ANKRD28: variants seen among roughly 807,000 people sequenced by gnomAD.
ANKRD28 encodes the protein ankyrin repeat domain 28, also known as serine/threonine-protein phosphatase 6 regulatory ankyrin repeat subunit A.
Under a neutral mutation model 126.5 loss-of-function variants are expected in ANKRD28, and 44 were observed. The observed-to-expected ratio is 0.35, with a 90% CI of 0.27 to 0.45. ANKRD28 has a LOEUF of 0.45. Ranked by LOEUF, ANKRD28 falls within the 20% of genes least tolerant of loss-of-function variation. ANKRD28 has a pLI of 1.00. For missense variants in ANKRD28, 1,110 were observed against 1,316.6 expected (o/e 0.84, Z 2.43); for synonymous variants, 442 against 468.5 (o/e 0.94, Z 0.73).
intron 2 of ANKRD28, among the ~76,000 whole-genome samples, chr3:15,773,278 G>C (rs371544510): frequency 6.6e-5 from 10 of 152,162 alleles, no homozygotes; most frequent in African/African-American, 2.4e-4. Context: ...AGCATCAAAA[G>C]GTAAAAAGAG....
At chr3:15,842,357 A>G (rs2061440699) in intron 1 of ANKRD28, among the ~76,000 whole-genome samples, 1 of 151,958 alleles carries the variant, frequency 6.6e-6, no homozygotes, top group South Asian at 2.1e-4. Context: ...AATTAAAACA[A>G]TTGAACTCAT....
At chr3:15,713,791 C>A in intron 9 of ANKRD28, 150 bp from the exon 10 acceptor site, 1 of 469,218 alleles carries the variant, frequency 2.1e-6, no homozygotes, top group Non-Finnish European at 3.8e-6. Context: ...TTTATTGGGC[C>A]AGGCAATGGA....
intron 4 of ANKRD28, among the ~76,000 whole-genome samples, chr3:15,742,161 C>T (rs1292010480): frequency 2.0e-5 from 3 of 152,066 alleles, no homozygotes; most frequent in Admixed American, 6.6e-5. Context: ...GCCGCCACCC[C>T]GTCTGGGAAG....
intron 25 of ANKRD28, 126 bp from the exon 26 acceptor site, chr3:15,677,182 G>A (rs2067026531): frequency 1.3e-6 from 1 of 759,392 alleles, no homozygotes; most frequent in African/African-American, 1.7e-5. Context: ...GAATTTTCCT[G>A]GCTAATATCT....
intron 2 of ANKRD28, among the ~76,000 whole-genome samples, chr3:15,785,929 C>T (rs531341439): frequency 3.3e-5 from 5 of 151,866 alleles, no homozygotes; most frequent in East Asian, 3.9e-4. Flanking sequence ...AAGTGAAAGA[C>T]GCCAACCTGA....
At chr3:15,719,545 T>C (rs2073463337) in intron 8 of ANKRD28, among the ~76,000 whole-genome samples, 1 of 152,204 alleles carries the variant, frequency 6.6e-6, no homozygotes. Flanking sequence ...TAAAATTATA[T>C]AGTGAAAGCA....
intron 27 of ANKRD28, among the ~76,000 whole-genome samples, chr3:15,671,372 A>C (rs926996311): frequency 6.6e-6 from 1 of 152,132 alleles, no homozygotes; most frequent in Non-Finnish European, 1.5e-5. Flanking sequence ...CAATTATACC[A>C]TATGGAACTT....
chr3:15,768,336 T>A (rs893681394), intron 2 of ANKRD28, among the ~76,000 whole-genome samples: 3 of 152,288 alleles, frequency 2.0e-5, no homozygotes, highest in African/African-American at 7.2e-5. Context: ...GGATTAAATA[T>A]CTACAGGCAA....
At chr3:15,714,532 G>C in intron 9 of ANKRD28, 46 bp downstream of exon 9, 2 of 1,083,680 alleles carry the variant, frequency 1.8e-6, no homozygotes, top group South Asian at 1.7e-5. Flanking sequence ...CTACATTTAA[G>C]AAAAAAAAAA....
chr3:15,744,155 T>A (rs1292495382), intron 4 of ANKRD28, among the ~76,000 whole-genome samples: 1 of 152,228 alleles, frequency 6.6e-6, no homozygotes, highest in South Asian at 2.1e-4. Context: ...GACTAGGTTT[T>A]CTAGCAGTTT....
chr3:15,779,622 GC>G (rs1348395941), intron 2 of ANKRD28, among the ~76,000 whole-genome samples: 2 of 152,108 alleles, frequency 1.3e-5, no homozygotes, highest in Non-Finnish European at 2.9e-5. Flanking sequence ...CCTTAGTTTT[GC>G]CTCATCTGTA....
rs1336020857 is a variant in ANKRD28 at position 15,714,767 on chromosome 3, ATTAAGT to A, written c.997-117_997-112del. ...TTATTTTTATAACTATTTTACATGA[ATTAAGT>A]TTAACTGAGGCCTATGGAGGTAAAA... On this transcript the variant is annotated intron_variant, in intron 8 of 27. Transcript: ENST00000683139. The A allele has an allele frequency of 9.5e-6, 7 of 739,654 alleles. No homozygotes were observed. In the Admixed American group the frequency reaches 1.2e-4, roughly 13 times the overall value. 45.8% of individuals were successfully genotyped at this position (739,654 alleles called of 1,614,324 possible).
intron 17 of ANKRD28, among the ~76,000 whole-genome samples, chr3:15,692,589 C>A (rs2455812): frequency 2.0e-5 from 3 of 152,042 alleles, no homozygotes; most frequent in Admixed American, 6.5e-5. Flanking sequence ...TCCAGTATGA[C>A]TAAAATTAGG....
chr3:15,835,469 G>A (rs543688859), intron 1 of ANKRD28, among the ~76,000 whole-genome samples: 4 of 152,294 alleles, frequency 2.6e-5, no homozygotes, highest in Admixed American at 6.5e-5. Context: ...GTAGATTCAC[G>A]TTCCTCTTAC....
intron 3 of ANKRD28, among the ~76,000 whole-genome samples, chr3:15,755,377 A>G (rs2058099880): frequency 1.3e-5 from 2 of 152,228 alleles, no homozygotes; most frequent in Non-Finnish European, 2.9e-5. Flanking sequence ...CTGTAAAATG[A>G]AAAAGAGTGT....
At chr3:15,768,898 C>G (rs2058871637) in intron 2 of ANKRD28, among the ~76,000 whole-genome samples, 1 of 152,150 alleles carries the variant, frequency 6.6e-6, no homozygotes, top group Non-Finnish European at 1.5e-5. Context: ...CCCCAGGAAA[C>G]AGAATGCTCT....
At chr3:15,689,980 T>G (rs767499302) in intron 18 of ANKRD28, 39 bp downstream of exon 18, 2 of 1,512,340 alleles carry the variant, frequency 1.3e-6, no homozygotes, top group East Asian at 2.4e-5. Flanking sequence ...AAGTATTGGA[T>G]AGAAGTTATA....
intron 3 of ANKRD28, among the ~76,000 whole-genome samples, chr3:15,760,159 CAG>C (rs1407135382): frequency 6.6e-6 from 1 of 151,988 alleles, no homozygotes; most frequent in African/African-American, 2.4e-5. Context: ...TATGGACACA[CAG>C]AGGGACACAA....
At chr3:15,718,643 A>G (rs1472950660) in intron 8 of ANKRD28, among the ~76,000 whole-genome samples, 1 of 151,830 alleles carries the variant, frequency 6.6e-6, no homozygotes, top group Non-Finnish European at 1.5e-5. Context: ...ATAAAACAGG[A>G]AGCCCAATCT....
Sources: gnomAD v4.1 joint callset for allele counts (sites outside exome capture counted in the v4.1 genomes callset) on GRCh38, gnomAD v4.1.1 for gene constraint, MANE v1.5 for transcripts, NCBI Gene and HGNC (gene_info 2026-07-23, HGNC 2026-07-21) for gene names.